The following PTPRM variants were observed in gnomAD, a reference collection of about 807,000 sequenced individuals.
PTPRM encodes the protein receptor-type tyrosine-protein phosphatase mu.
Under a neutral mutation model 186.7 loss-of-function variants are expected in PTPRM, and 47 were observed. That is an observed-to-expected ratio of 0.25 (90% CI 0.20 to 0.32). PTPRM has a LOEUF of 0.32. PTPRM is among the 10% of genes least tolerant of loss of function. The probability of loss-of-function intolerance (pLI) is 1.00; values close to 1 mark genes in which losing one functional copy is unlikely to be tolerated. For synonymous variants in PTPRM, 668 were observed against 674.9 expected, an observed-to-expected ratio of 0.99 and a Z score of 0.16; for missense variants, 1,494 against 1,865.0, an observed-to-expected ratio of 0.80 and a Z score of 3.66.
chr18:8,110,667 A>G (rs1236909913), intron 11 of PTPRM, among the ~76,000 whole-genome samples: 1 of 152,162 alleles, frequency 6.6e-6, no homozygotes, highest in South Asian at 2.1e-4. Context: ...TCCTCCCTGA[A>G]AGTAATTAAT....
At chr18:8,207,993 A>T (rs1051068543) in intron 14 of PTPRM, among the ~76,000 whole-genome samples, 3 of 152,342 alleles carry the variant, frequency 2.0e-5, no homozygotes, top group Admixed American at 6.5e-5. Context: ...CATATTTTTT[A>T]AAAAAGAAAA....
intron 2 of PTPRM, among the ~76,000 whole-genome samples, chr18:7,858,237 G>A (rs28529591): frequency 0.026 from 3,903 of 152,258 alleles, 168 homozygotes; most frequent in African/African-American, 0.088. Flanking sequence ...CTGAGAAACT[G>A]CAAAGTTATG....
chr18:7,907,706 A>T (rs1341655746), intron 4 of PTPRM, among the ~76,000 whole-genome samples: 1 of 152,066 alleles, frequency 6.6e-6, no homozygotes, highest in Non-Finnish European at 1.5e-5. Flanking sequence ...GCTGGGCCTC[A>T]ACTTTTACTG....
chr18:7,830,186 C>T (rs576773937), intron 2 of PTPRM, among the ~76,000 whole-genome samples: 1 of 152,288 alleles, frequency 6.6e-6, no homozygotes, highest in Admixed American at 6.5e-5. Context: ...CCTGTGGGCC[C>T]TTCCCCTCTT....
chr18:7,810,284 T>A (rs2044441250), intron 2 of PTPRM, among the ~76,000 whole-genome samples: 1 of 152,234 alleles, frequency 6.6e-6, no homozygotes, highest in Non-Finnish European at 1.5e-5. Flanking sequence ...CAAGACAAAC[T>A]GAATTTTCCC....
intron 5 of PTPRM, among the ~76,000 whole-genome samples, chr18:7,937,845 T>C (rs1322156183): frequency 6.6e-6 from 1 of 152,224 alleles, no homozygotes; most frequent in Non-Finnish European, 1.5e-5. Flanking sequence ...TTTCAGTCCA[T>C]TGCGCTTAAT....
intron 1 of PTPRM, among the ~76,000 whole-genome samples, chr18:7,739,731 C>G (rs1377823178): frequency 6.6e-6 from 1 of 151,906 alleles, no homozygotes; most frequent in Admixed American, 6.5e-5. Context: ...CTTAGACAGT[C>G]TCCTTGCCTT....
chr18:7,763,206 T>C (rs1035219720), intron 1 of PTPRM, among the ~76,000 whole-genome samples: 1 of 152,224 alleles, frequency 6.6e-6, no homozygotes, highest in Non-Finnish European at 1.5e-5. Flanking sequence ...GGACACACTT[T>C]AATTAAAATG....
chr18:7,568,322 G>C lies in PTPRM; in HGVS notation c.73+431G>C, dbSNP rs546542184. Among the ~76,000 whole-genome samples the C allele has an allele frequency of 6.6e-6, 1 of 151,852 alleles. No homozygotes were observed. The highest frequency in any genetic ancestry group is 1.5e-5 in the Non-Finnish European group (1 of 67,944). ...CCCGCCGACCCCGAGCAGCGGCCGG[G>C]CCCAGGCCGCTGGTGTTCGGCTGCG... On this transcript the variant is annotated intron_variant, in intron 1 of 32. Coordinates refer to ENST00000580170, the MANE Select transcript of PTPRM (RefSeq NM_001105244.2). This position sits in a 1 kb window ranked among gnomAD's most constrained non-coding sequence, Gnocchi z 5.1.
rs964442922 is a variant in PTPRM at position 7,928,684 on chromosome 18, G to C, written c.663+2001G>C. Reference sequence around the variant, plus strand: ...GAATACAATATAAATACTATATTAAGTCTAGAGAATACAATATAAATACTA... The same window carrying C: ...GAATACAATATAAATACTATATTAACTCTAGAGAATACAATATAAATACTA... On this transcript the variant is annotated intron_variant, in intron 5 of 32. Coordinates refer to ENST00000580170, the MANE Select transcript of PTPRM (RefSeq NM_001105244.2). 2.0e-5 allele frequency among the ~76,000 whole-genome samples: 3 copies of C among 152,062 alleles called. No individual in the cohort carries two copies. The East Asian group carries it at 5.8e-4, about 29-fold the overall frequency.
intron 23 of PTPRM, among the ~76,000 whole-genome samples, chr18:8,368,226 A>T (rs990472573): frequency 2.6e-5 from 4 of 151,398 alleles, no homozygotes; most frequent in African/African-American, 9.7e-5. Context: ...GCTAACTGGC[A>T]TCGTGAAAGT....
intron 2 of PTPRM, among the ~76,000 whole-genome samples, chr18:7,859,161 C>T (rs116866650): frequency 0.029 from 4,367 of 152,208 alleles, 105 homozygotes; most frequent in Middle Eastern, 0.18. Flanking sequence ...CTAAAGCTGA[C>T]GCCAACTGTT....
chr18:7,719,053 C>A (rs2040397903), intron 1 of PTPRM, among the ~76,000 whole-genome samples: 1 of 152,108 alleles, frequency 6.6e-6, no homozygotes, highest in African/African-American at 2.4e-5. Flanking sequence ...TGGGTATTTA[C>A]CTAATGGAAA....
intron 1 of PTPRM, chr18:7,751,299 C>G (rs2041205863): frequency 6.6e-6 from 1 of 152,286 alleles, no homozygotes; most frequent in Non-Finnish European, 1.5e-5. Context: ...TGGACCCTCC[C>G]CTGACTCACT....
intron 1 of PTPRM, among the ~76,000 whole-genome samples, chr18:7,580,066 C>G (rs1224426295): frequency 6.6e-6 from 1 of 152,206 alleles, no homozygotes; most frequent in African/African-American, 2.4e-5. Context: ...ACATCTCTAA[C>G]TAGCTGTCAC....
intron 2 of PTPRM, among the ~76,000 whole-genome samples, chr18:7,795,810 CTT>C (rs397741769): frequency 8.5e-5 from 10 of 117,718 alleles, no homozygotes; most frequent in Non-Finnish European, 1.1e-4. Context: ...TTCTTTCTTT[CTT>C]TTTTTTTTTT....
chr18:8,252,640 G>A (rs2094538710), intron 18 of PTPRM, 141 bp downstream of exon 18: 3 of 785,576 alleles, frequency 3.8e-6, no homozygotes, highest in Admixed American at 2.0e-5. Context: ...CATGTGTGAT[G>A]TGTTGGTCCA....
At chr18:7,572,956 C>T (rs147561115) in intron 1 of PTPRM, among the ~76,000 whole-genome samples, 5 of 152,228 alleles carry the variant, frequency 3.3e-5, no homozygotes, top group African/African-American at 1.2e-4. Context: ...CATCAGAAAG[C>T]CTGAGTTGAC....
intron 14 of PTPRM, among the ~76,000 whole-genome samples, chr18:8,210,028 G>C (rs1224070272): frequency 7.5e-6 from 1 of 134,148 alleles, no homozygotes; most frequent in East Asian, 2.0e-4. Context: ...AAGGTGCTCG[G>C]GCAAGGTGGC....
Sources: allele counts gnomAD v4.1 joint callset (sites outside exome capture counted in the v4.1 genomes callset), GRCh38; gene constraint gnomAD v4.1.1; non-coding constraint Gnocchi (gnomAD v3.1); transcripts MANE v1.5; gene names NCBI Gene and HGNC (gene_info 2026-07-23, HGNC 2026-07-21).